The following SCN8A variants were observed in gnomAD, a reference collection of about 807,000 sequenced individuals.
SCN8A encodes the protein sodium voltage-gated channel alpha subunit 8, also known as sodium channel protein type 8 subunit alpha.
In SCN8A, 30 loss-of-function variants were observed where a neutral mutation model predicts 184.1. The observed-to-expected ratio is 0.16, with a 90% CI of 0.12 to 0.22. SCN8A has a LOEUF of 0.22. SCN8A is among the 10% of genes least tolerant of loss of function. The pLI is 1.00. For missense variants in SCN8A, 1,057 were observed against 2,498.9 expected (o/e 0.42, Z 12.30); for synonymous variants, 852 against 907.0 (o/e 0.94, Z 1.09).
rs780410482 is a variant in SCN8A, at chr12:51,769,865, T to C, written c.3373-3T>C. ...CTGATCTCCCTTTTCCTTGCGTGTC[T>C]AGAAACTAGATGACACCAGCTCCTC... On this transcript the variant is annotated splice_polypyrimidine_tract_variant and splice_region_variant and intron_variant, in intron 17 of 26. Transcript: ENST00000627620. 4 of 1,585,536 alleles carry C rather than the reference T, an allele frequency of 2.5e-6. No homozygotes were observed. In the East Asian group the frequency reaches 9.1e-5, roughly 36 times the overall value.
At chr12:51,713,691 A>T in intron 11 of SCN8A, 1 of 467,546 alleles carries the variant, frequency 2.1e-6, no homozygotes, top group Non-Finnish European at 3.7e-6. Flanking sequence ...AGGGCAGTTT[A>T]TAAATATTAA....
At chr12:51,748,484 G>T (rs1471841666) in intron 13 of SCN8A, among the ~76,000 whole-genome samples, 2 of 152,142 alleles carry the variant, frequency 1.3e-5, no homozygotes, top group East Asian at 3.9e-4. Flanking sequence ...CAGAGGACTG[G>T]GCGTGGGGTG....
At chr12:51,744,335 T>C (rs1349614073) in intron 12 of SCN8A, among the ~76,000 whole-genome samples, 2 of 152,192 alleles carry the variant, frequency 1.3e-5, no homozygotes, top group Non-Finnish European at 2.9e-5. Context: ...ATTTGCCTGA[T>C]GTTCTATTCT....
intron 1 of SCN8A, among the ~76,000 whole-genome samples, chr12:51,604,623 C>T (rs1939544467): frequency 6.6e-6 from 1 of 152,050 alleles, no homozygotes; most frequent in Non-Finnish European, 1.5e-5. Context: ...TCCGCCTCCC[C>T]TTCAAGCAAT....
intron 1 of SCN8A, among the ~76,000 whole-genome samples, chr12:51,645,578 G>C (rs1425025267): frequency 1.3e-5 from 2 of 152,136 alleles, no homozygotes; most frequent in African/African-American, 2.4e-5. Context: ...GAAAGAGGTA[G>C]ACATGGGAGA....
chr12:51,751,019 A>G (rs991068301), intron 13 of SCN8A, among the ~76,000 whole-genome samples: 1 of 152,226 alleles, frequency 6.6e-6, no homozygotes, highest in African/African-American at 2.4e-5. Context: ...CAGAGAAATC[A>G]GCTACCTTGC....
intron 12 of SCN8A, among the ~76,000 whole-genome samples, chr12:51,734,083 G>A (rs1254133958): frequency 2.6e-5 from 4 of 151,932 alleles, no homozygotes; most frequent in African/African-American, 4.8e-5. Context: ...TTTCTGCTCT[G>A]ATCTTTATTA....
intron 20 of SCN8A, among the ~76,000 whole-genome samples, chr12:51,777,374 C>G (rs762613250): frequency 1.4e-4 from 21 of 152,312 alleles, no homozygotes; most frequent in Non-Finnish European, 2.6e-4. Context: ...GCCTTCTCAC[C>G]TCAGCCTCCT....
At chr12:51,593,237 A>G (rs1196047150) in intron 1 of SCN8A, among the ~76,000 whole-genome samples, 2 of 152,036 alleles carry the variant, frequency 1.3e-5, no homozygotes, top group Non-Finnish European at 2.9e-5. Context: ...TGTCCTAGAA[A>G]TTGAGGTCCT....
intron 6 of SCN8A, 27 bp downstream of exon 6, chr12:51,689,123 CT>C (rs1565887659): frequency 6.6e-7 from 1 of 1,516,818 alleles, no homozygotes; most frequent in East Asian, 2.3e-5. Context: ...ATAAGACTGA[CT>C]TTGCCACATC....
intron 13 of SCN8A, among the ~76,000 whole-genome samples, chr12:51,747,962 C>T (rs1412226566): frequency 1.3e-5 from 2 of 152,084 alleles, no homozygotes; most frequent in Non-Finnish European, 2.9e-5. Flanking sequence ...GTCCTCTTTC[C>T]TAAGCCCTGA....
intron 12 of SCN8A, among the ~76,000 whole-genome samples, chr12:51,727,276 G>C (rs988292181): frequency 6.6e-6 from 1 of 151,882 alleles, no homozygotes; most frequent in African/African-American, 2.4e-5. Context: ...AGTTACTGAG[G>C]GTTTTTCCTC....
At chr12:51,677,593 A>G (rs1013576516) in intron 2 of SCN8A, among the ~76,000 whole-genome samples, 1 of 152,162 alleles carries the variant, frequency 6.6e-6, no homozygotes, top group African/African-American at 2.4e-5. Flanking sequence ...CCTTCCCCTA[A>G]TAGTGGGCCC....
At chr12:51,749,184 C>T (rs1026864163) in intron 13 of SCN8A, among the ~76,000 whole-genome samples, 1 of 152,210 alleles carries the variant, frequency 6.6e-6, no homozygotes, top group Non-Finnish European at 1.5e-5. Context: ...TCCTGAAGCT[C>T]CACATTGTCT....
At chr12:51,804,495 C>CTTT (rs35338908) in intron 26 of SCN8A, among the ~76,000 whole-genome samples, 5,930 of 142,424 alleles carry the variant, frequency 0.042, 226 homozygotes, top group Middle Eastern at 0.061. Context: ...ATTTTTGTAC[C>CTTT]TTTTTTTTTT....
chr12:51,753,423 G>A (rs1270165285), intron 14 of SCN8A, among the ~76,000 whole-genome samples: 1 of 152,182 alleles, frequency 6.6e-6, no homozygotes, highest in Non-Finnish European at 1.5e-5. Context: ...GAACTGGCTT[G>A]ACGTATAAAA....
chr12:51,609,070 A>G (rs754522346), intron 1 of SCN8A, among the ~76,000 whole-genome samples: 8 of 152,276 alleles, frequency 5.3e-5, no homozygotes, highest in South Asian at 2.1e-4. Context: ...GTTGATTTCT[A>G]GTTTTATTCC....
chr12:51,606,498 G>T (rs1240763226), intron 1 of SCN8A, among the ~76,000 whole-genome samples: 1 of 152,162 alleles, frequency 6.6e-6, no homozygotes, highest in Non-Finnish European at 1.5e-5. Flanking sequence ...TGGCCTTATA[G>T]TATAGTTTGA....
Position 51,663,027 on chromosome 12 carries a change from G to C in SCN8A, c.210G>C (p.Gly70=). 6.2e-7 allele frequency: 1 copy of C among 1,614,008 alleles called. No individual in the cohort carries two copies. The highest frequency in any genetic ancestry group is 8.5e-7 in the Non-Finnish European group (1 of 1,179,890). The change falls in exon 2 of 27, where the codon GGG becomes GGC. Residue 70 remains glycine (G), a synonymous_variant. Transcript: ENST00000627620. ...EAGKSLPFIY[G]DIPQGLVAVP... is the part of the protein sequence containing the mutation. ...GGAAGAGTTTGCCTTTCATCTACGG[G>C]GACATCCCCCAAGGCCTGGTTGCAG...
Sources: gnomAD v4.1 joint callset for allele counts (sites outside exome capture counted in the v4.1 genomes callset) on GRCh38, gnomAD v4.1.1 for gene constraint, MANE v1.5 for transcripts, NCBI Gene and HGNC (gene_info 2026-07-23, HGNC 2026-07-21) for gene names.